Variants in VPS8 observed in about 807,000 individuals in gnomAD.
VPS8 encodes the protein vacuolar protein sorting-associated protein 8 homolog.
VPS8 carries 129 observed loss-of-function variants against 216.4 expected under a neutral mutation model. The observed-to-expected ratio is 0.60, with a 90% confidence interval of 0.52 to 0.69. The LOEUF is 0.69. Ranked by LOEUF, VPS8 falls within the 30% of genes least tolerant of loss-of-function variation. VPS8 has a pLI of 0.00. For missense variants in VPS8, 1,531 were observed against 1,683.5 expected (o/e 0.91, Z 1.59); for synonymous variants, 571 against 565.4 (o/e 1.01, Z -0.14).
intron 22 of VPS8, among the ~76,000 whole-genome samples, chr3:184,890,813 A>G (rs772968471): frequency 6.6e-6 from 1 of 152,044 alleles, no homozygotes; most frequent in Non-Finnish European, 1.5e-5. Context: ...GTTTTTGAAG[A>G]CTTATACTTT....
In VPS8 at chr3:184,826,196, G is replaced by C. The variant is rs1172460922; in HGVS notation, c.187G>C (p.Asp63His). Reference sequence around the variant, plus strand: ...CAAGGAGTTTGATATTCCTCAAGTTGATACTCCTCCAACACTGGAAAGCAT... The same window carrying C: ...CAAGGAGTTTGATATTCCTCAAGTTCATACTCCTCCAACACTGGAAAGCAT... ...DDKEFDIPQV[D>H]TPPTLESILN... Residue 63 changes from aspartate (D) to histidine (H), a missense_variant, in exon 3 of 48, where the codon GAT (aspartate) becomes CAT (histidine). Asp to His is a moderately conservative substitution (Grantham distance 81). Transcript: ENST00000625842. 5 of 1,610,760 alleles carry C rather than the reference G, an allele frequency of 3.1e-6. No homozygotes were observed. Among genetic ancestry groups the C allele is most frequent in the African/African-American group, 1.3e-5 (1 of 74,698 alleles).
intron 31 of VPS8, among the ~76,000 whole-genome samples, 175 bp downstream of exon 31, chr3:184,926,825 T>C (rs977576318): frequency 2.0e-5 from 3 of 152,192 alleles, no homozygotes; most frequent in African/African-American, 7.2e-5. Flanking sequence ...TAGAGGTACA[T>C]GTGTAAGAAG....
At chr3:184,940,896 C>T (rs1256396207) in intron 36 of VPS8, among the ~76,000 whole-genome samples, 3 of 152,084 alleles carry the variant, frequency 2.0e-5, no homozygotes, top group Non-Finnish European at 4.4e-5. Flanking sequence ...ATTTAATATC[C>T]TCTAAGATAG....
intron 45 of VPS8, among the ~76,000 whole-genome samples, chr3:185,006,844 TGC>T (rs10575267): frequency 0.9 from 136,789 of 151,948 alleles, 62,655 homozygotes; most frequent in Non-Finnish European, 0.98. Context: ...TTCTGTCAAA[TGC>T]AGTCCTTTTG....
intron 21 of VPS8, among the ~76,000 whole-genome samples, chr3:184,883,887 A>G (rs536768348): frequency 2.4e-4 from 37 of 152,344 alleles, no homozygotes; most frequent in African/African-American, 8.7e-4. Flanking sequence ...GGGGTATACT[A>G]CTGCCCTTTA....
chr3:184,824,615 C>G lies in VPS8; in HGVS notation c.-18C>G. On this transcript the variant is annotated 5_prime_UTR_variant, in exon 2 of 48. Coordinates refer to ENST00000625842, the MANE Select transcript of VPS8 (RefSeq NM_001009921.3). The stretch of plus-strand genomic sequence containing the variant: ...AACACTTGCTTTGATGGACTGAATA[C>G]TGTTATTAGAAGTAAATATGGAAAA... The G allele has an allele frequency of 6.2e-7, 1 of 1,611,392 alleles. No individual in the cohort carries two copies. Among genetic ancestry groups the G allele is most frequent in the Non-Finnish European group, 8.5e-7 (1 of 1,178,666 alleles).
intron 23 of VPS8, among the ~76,000 whole-genome samples, chr3:184,896,646 T>G (rs1419990801): frequency 1.3e-5 from 2 of 152,216 alleles, no homozygotes; most frequent in African/African-American, 4.8e-5. Flanking sequence ...CAGCATTTGT[T>G]CGTTAATTCA....
chr3:184,983,495 A>T (rs1178180399), intron 42 of VPS8, among the ~76,000 whole-genome samples: 1 of 152,214 alleles, frequency 6.6e-6, no homozygotes, highest in Non-Finnish European at 1.5e-5. Flanking sequence ...TAGGCTTTCT[A>T]ACTCATCCTA....
At chr3:184,915,296 C>T in intron 27 of VPS8, 59 bp from the exon 28 acceptor site, 8 of 1,566,140 alleles carry the variant, frequency 5.1e-6, no homozygotes, top group East Asian at 2.3e-5. Flanking sequence ...AGAATCACTG[C>T]TTCAGCAAGA....
chr3:184,820,891 C>T (rs1717436721), intron 1 of VPS8, among the ~76,000 whole-genome samples: 1 of 152,164 alleles, frequency 6.6e-6, no homozygotes, highest in Non-Finnish European at 1.5e-5. Context: ...TTAAGTGTCT[C>T]TGTTGCTTTG....
intron 25 of VPS8, among the ~76,000 whole-genome samples, chr3:184,904,134 T>C (rs1359005678): frequency 3.9e-5 from 6 of 152,172 alleles, no homozygotes; most frequent in Non-Finnish European, 7.4e-5. Flanking sequence ...ATTTTTAACT[T>C]CTTAGAACTT....
Position 184,855,816 on chromosome 3 carries a change from T to C in VPS8, c.1141T>C (p.Leu381=), listed in dbSNP as rs369659959. The C allele has an allele frequency of 4.5e-5, 72 of 1,610,176 alleles. No individual in the cohort carries two copies. The highest frequency in any genetic ancestry group is 6.7e-5 in the African/African-American group (5 of 74,574). The change falls in exon 14 of 48, where the codon TTG becomes CTG. Residue 381 remains leucine (L), a splice_region_variant and synonymous_variant. Coordinates refer to ENST00000625842, the MANE Select transcript of VPS8 (RefSeq NM_001009921.3). ...FCRGDVVHFL[L]VKRDESGAIH... ...CAGAGGAGATGTTGTTCATTTTCTATTGGTAAGTCCTAATATGACCATTAG... is the reference window on the plus strand; with the variant it reads ...CAGAGGAGATGTTGTTCATTTTCTACTGGTAAGTCCTAATATGACCATTAG...
rs1726818084 is a variant in VPS8, at chr3:184,863,735, C to T, written c.1395+668C>T. Among the ~76,000 whole-genome samples, 3 of 151,980 alleles carry T rather than the reference C, an allele frequency of 2.0e-5. No individual in the cohort carries two copies. In the South Asian group the frequency reaches 6.2e-4, roughly 32 times the overall value. ...GAATTGTGATCTCATGTTCCTAAAC[C>T]ACAAATCTTTAAGTAGGAAATTTAG... On this transcript the variant is annotated intron_variant, in intron 16 of 47. Coordinates refer to ENST00000625842, the MANE Select transcript of VPS8 (RefSeq NM_001009921.3).
At chr3:185,003,050 G>C (rs1277684051) in intron 45 of VPS8, among the ~76,000 whole-genome samples, 1 of 151,962 alleles carries the variant, frequency 6.6e-6, no homozygotes, top group East Asian at 1.9e-4. Context: ...AGTTGTACTA[G>C]TTTACATTCC....
chr3:184,919,275 G>A (rs1046831007), intron 28 of VPS8, among the ~76,000 whole-genome samples: 3 of 152,000 alleles, frequency 2.0e-5, no homozygotes, highest in African/African-American at 7.2e-5. Context: ...CTTGTTTCAA[G>A]GAAATAGCAA....
Position 184,849,978 on chromosome 3 carries a change from A to G in VPS8, c.709A>G (p.Ile237Val), listed in dbSNP as rs1048271900. Reference sequence around the variant, plus strand: ...GGCCAGTGGAAAACTTCTAAGATCAATAACAGATGCTCATCCTCCAGGAAC... The same window carrying G: ...GGCCAGTGGAAAACTTCTAAGATCAGTAACAGATGCTCATCCTCCAGGAAC... ...DLASGKLLRS[I>V]TDAHPPGTAI... The change falls in exon 10 of 48, where the codon ATA (isoleucine) becomes GTA (valine). Residue 237 changes from isoleucine to valine, a missense_variant. Ile to Val is a conservative substitution (Grantham distance 29, BLOSUM62 3). Coordinates refer to ENST00000625842, the MANE Select transcript of VPS8 (RefSeq NM_001009921.3). 1.9e-5 allele frequency: 30 copies of G among 1,613,404 alleles called. 1 individual carries two copies. The highest frequency in any genetic ancestry group is 5.0e-5 in the Admixed American group (3 of 59,924).
chr3:184,960,273 A>G (rs529686856), intron 37 of VPS8, among the ~76,000 whole-genome samples: 3 of 152,226 alleles, frequency 2.0e-5, no homozygotes, highest in Non-Finnish European at 2.9e-5. Flanking sequence ...AGTCTTTGCT[A>G]TTGTGAATAG....
chr3:184,949,763 T>A (rs1178438513), intron 36 of VPS8, among the ~76,000 whole-genome samples: 1 of 152,216 alleles, frequency 6.6e-6, no homozygotes, highest in African/African-American at 2.4e-5. Context: ...TTTTGCTTAG[T>A]TGGCAAAACT....
intron 37 of VPS8, among the ~76,000 whole-genome samples, chr3:184,962,071 A>G (rs1413114671): frequency 6.6e-6 from 1 of 152,204 alleles, no homozygotes; most frequent in African/African-American, 2.4e-5. Context: ...CACTTTTACT[A>G]AATTTTTAAA....
Sources: gnomAD v4.1 joint callset for allele counts (sites outside exome capture counted in the v4.1 genomes callset) on GRCh38, gnomAD v4.1.1 for gene constraint, MANE v1.5 for transcripts, NCBI Gene and HGNC (gene_info 2026-07-23, HGNC 2026-07-21) for gene names.